The following N4BP2L2 variants were observed in gnomAD, a reference collection of about 807,000 sequenced individuals.
The protein encoded by N4BP2L2 is NEDD4 binding protein 2 like 2.
A neutral mutation model predicts 56.2 loss-of-function variants in N4BP2L2; 50 were observed. That is an observed-to-expected ratio of 0.89 (90% confidence interval 0.71 to 1.13). N4BP2L2 has a LOEUF of 1.13. Ranked by LOEUF, N4BP2L2 falls within the 50% of genes most tolerant of loss-of-function variation. N4BP2L2 has a pLI of 0.00. For synonymous variants in N4BP2L2, 203 were observed against 223.6 expected (o/e 0.91, Z 0.82); for missense variants, 689 against 693.8 (o/e 0.99, Z 0.08).
At chr13:32,484,305 T>C (rs968860758) in intron 6 of N4BP2L2, among the ~76,000 whole-genome samples, 22 of 152,076 alleles carry the variant, frequency 1.4e-4, no homozygotes, top group Admixed American at 6.6e-4. Flanking sequence ...GCAGGCTGGG[T>C]GACAGAGAAA....
chr13:32,529,178 T>C (rs2053930605), intron 2 of N4BP2L2, among the ~76,000 whole-genome samples: 1 of 152,216 alleles, frequency 6.6e-6, no homozygotes, highest in Non-Finnish European at 1.5e-5. Flanking sequence ...TCAACAAATA[T>C]GGAGGGCCAG....
At chr13:32,454,433 A>G (rs535629893) in intron 6 of N4BP2L2, among the ~76,000 whole-genome samples, 239 of 152,284 alleles carry the variant, frequency 1.6e-3, no homozygotes, top group African/African-American at 5.0e-3. Context: ...GAGGGGGTGA[A>G]ATATGATTAC....
intron 6 of N4BP2L2, among the ~76,000 whole-genome samples, chr13:32,487,037 A>G (rs1275187961): frequency 6.6e-6 from 1 of 152,066 alleles, no homozygotes; most frequent in Non-Finnish European, 1.5e-5. Flanking sequence ...CAAGCAAGAA[A>G]TTAAAGAAGC....
chr13:32,521,975 CA>C, intron 4 of N4BP2L2: 4 of 492,234 alleles, frequency 8.1e-6, no homozygotes, highest in Non-Finnish European at 1.4e-5. Context: ...GACTCCGTCT[CA>C]AAAAAACAAA....
chr13:32,517,395 T>G (rs2049467519), exon 6 of N4BP2L2: 1 of 994,712 alleles, frequency 1.0e-6, no homozygotes, highest in African/African-American at 1.7e-5. Context: ...CAAGTCAGTA[T>G]TTCTTGCATA....
At chr13:32,538,816 G>A (rs551099879), upstream of N4BP2L2, 3 of 985,366 alleles carry the variant, frequency 3.0e-6, no homozygotes, top group Non-Finnish European at 2.4e-6. Context: ...CGGTTACCCA[G>A]GCCAAAACTA....
At chr13:32,482,932 G>A (rs897541630) in intron 6 of N4BP2L2, among the ~76,000 whole-genome samples, 5 of 152,136 alleles carry the variant, frequency 3.3e-5, no homozygotes, top group African/African-American at 1.2e-4. Flanking sequence ...TAGTTTGTTT[G>A]TATTTCAAAC....
At chr13:32,527,108 T>C in intron 3 of N4BP2L2, 1 of 209,188 alleles carries the variant, frequency 4.8e-6, no homozygotes, top group South Asian at 1.2e-4. Context: ...ACTCATCAAG[T>C]ATAAAATAAA....
chr13:32,481,014 G>A (rs1023307524), intron 6 of N4BP2L2, among the ~76,000 whole-genome samples: 1 of 149,402 alleles, frequency 6.7e-6, no homozygotes, highest in East Asian at 2.0e-4. Context: ...AGCTACTCGG[G>A]AGGCTGAGGC....
intron 6 of N4BP2L2, among the ~76,000 whole-genome samples, chr13:32,457,409 A>C (rs192848769): frequency 1.3e-5 from 2 of 152,220 alleles, no homozygotes; most frequent in Non-Finnish European, 2.9e-5. Flanking sequence ...ATGTAACTCA[A>C]AAAGCTCTCC....
At chr13:32,531,291 G>A (rs1337000139) in intron 2 of N4BP2L2, among the ~76,000 whole-genome samples, 1 of 152,190 alleles carries the variant, frequency 6.6e-6, no homozygotes, top group African/African-American at 2.4e-5. Context: ...AGGGTAACCT[G>A]TTATACAGCC....
intron 9 of N4BP2L2, among the ~76,000 whole-genome samples, chr13:32,434,248 C>CT (rs369328452): frequency 0.2 from 22,606 of 110,922 alleles, 2,957 homozygotes; most frequent in South Asian, 0.34. Context: ...AGCTAATTTT[C>CT]TTTTTTTCTT....
chr13:32,517,758 T>G, exon 6 of N4BP2L2: 2 of 1,603,160 alleles, frequency 1.2e-6, no homozygotes, highest in Non-Finnish European at 1.7e-6. Context: ...TCACTAACTC[T>G]TTTTCAAGTG....
At chr13:32,444,906 C>T (rs1355907835) in intron 6 of N4BP2L2, among the ~76,000 whole-genome samples, 1 of 152,170 alleles carries the variant, frequency 6.6e-6, no homozygotes, top group Non-Finnish European at 1.5e-5. Context: ...TGTTACTACA[C>T]TGCATACTGT....
chr13:32,453,627 T>C lies in N4BP2L2; in HGVS notation c.366-9501A>G, dbSNP rs779413107. ...TCAGCCTCTGAAGTAGCTGGGACTA[T>C]AGACATATGTCACTGTGCCTAGCTC... On this transcript the variant is annotated intron_variant, in intron 6 of 9. Transcript: ENST00000357505. Among the ~76,000 whole-genome samples the C allele has an allele frequency of 5.9e-5, 9 of 152,198 alleles. No individual in the cohort carries two copies. The South Asian group carries it at 1.0e-3, about 18-fold the overall frequency.
At chr13:32,459,492 T>A (rs899452363) in intron 6 of N4BP2L2, among the ~76,000 whole-genome samples, 2 of 151,926 alleles carry the variant, frequency 1.3e-5, no homozygotes, top group African/African-American at 4.8e-5. Flanking sequence ...TAGACTGTTA[T>A]GAAAAACTAT....
At chr13:32,432,762 T>C (rs1421312401) in exon 10 of N4BP2L2, 1 of 152,216 alleles carries the variant, frequency 6.6e-6, no homozygotes, top group Non-Finnish European at 1.5e-5. Flanking sequence ...ATCTTCAAAT[T>C]AGACAATAAA....
chr13:32,461,301 G>A (rs1004215200), intron 6 of N4BP2L2, among the ~76,000 whole-genome samples: 2 of 152,108 alleles, frequency 1.3e-5, no homozygotes, highest in African/African-American at 4.8e-5. Flanking sequence ...GCACAGCAAT[G>A]GAAACAATCA....
intron 6 of N4BP2L2, among the ~76,000 whole-genome samples, chr13:32,491,579 A>G (rs1412769969): frequency 1.4e-5 from 2 of 147,354 alleles, no homozygotes; most frequent in Non-Finnish European, 3.0e-5. Context: ...TAAACTATAT[A>G]TAAATTATAT....
Sources: gnomAD v4.1 joint callset for allele counts (sites outside exome capture counted in the v4.1 genomes callset) on GRCh38, gnomAD v4.1.1 for gene constraint, MANE v1.5 for transcripts, NCBI Gene and HGNC (gene_info 2026-07-23, HGNC 2026-07-21) for gene names.